PTPRG: variants seen among roughly 807,000 people sequenced by gnomAD.
PTPRG encodes protein tyrosine phosphatase receptor type G.
PTPRG carries 102 observed loss-of-function variants against 165.3 expected under a neutral mutation model. The ratio of observed to expected loss-of-function variants is 0.62; its 90% CI spans 0.53 to 0.73. PTPRG has a LOEUF of 0.73. Among genes scored for constraint, PTPRG ranks in the 30% least tolerant of loss-of-function variants. The pLI is 0.00. For missense variants in PTPRG, 1,866 were observed against 1,861.4 expected, an observed-to-expected ratio of 1.00 and a Z score of -0.05; for synonymous variants, 675 against 669.5, an observed-to-expected ratio of 1.01 and a Z score of -0.13.
chr3:62,133,512 T>G (rs181338188), intron 6 of PTPRG, among the ~76,000 whole-genome samples: 1 of 152,210 alleles, frequency 6.6e-6, no homozygotes, highest in Non-Finnish European at 1.5e-5. Context: ...AACAAACATC[T>G]TCCCCCTCTC....
chr3:61,663,152 G>A (rs534931138), intron 1 of PTPRG, among the ~76,000 whole-genome samples: 1 of 151,852 alleles, frequency 6.6e-6, no homozygotes, highest in Non-Finnish European at 1.5e-5. Context: ...CTCATAACCC[G>A]GTCTCAAAAT....
At chr3:61,713,989 G>C (rs962149342) in intron 1 of PTPRG, among the ~76,000 whole-genome samples, 14 of 152,192 alleles carry the variant, frequency 9.2e-5, no homozygotes, top group African/African-American at 2.9e-4. Context: ...TTACATATCT[G>C]TGCAAAGTGA....
chr3:62,118,036 T>C (rs1230147472), intron 5 of PTPRG, among the ~76,000 whole-genome samples: 1 of 152,182 alleles, frequency 6.6e-6, no homozygotes, highest in Non-Finnish European at 1.5e-5. Context: ...GATTATCTCA[T>C]TGGTCTCTCC....
chr3:61,830,975 A>T (rs1249775033), intron 2 of PTPRG, among the ~76,000 whole-genome samples: 10 of 152,138 alleles, frequency 6.6e-5, no homozygotes, highest in Admixed American at 6.5e-4. Context: ...CTTTTTTCAA[A>T]GACCTAATGA....
chr3:61,998,731 A>G (rs954635212), intron 3 of PTPRG, among the ~76,000 whole-genome samples: 1 of 152,212 alleles, frequency 6.6e-6, no homozygotes, highest in Non-Finnish European at 1.5e-5. Flanking sequence ...AGCTTCTTCT[A>G]CTGTCTCCAT....
chr3:62,076,012 G>T (rs75880644), intron 4 of PTPRG, among the ~76,000 whole-genome samples: 4 of 152,054 alleles, frequency 2.6e-5, no homozygotes, highest in African/African-American at 9.7e-5. Context: ...GCAGTGGTTC[G>T]TGCATGTAAT....
chr3:61,988,925 C>G (rs1005824379), intron 2 of PTPRG, among the ~76,000 whole-genome samples: 1 of 152,120 alleles, frequency 6.6e-6, no homozygotes, highest in Admixed American at 6.5e-5. Flanking sequence ...GTTGTGCTTT[C>G]TTCATTTATT....
intron 2 of PTPRG, among the ~76,000 whole-genome samples, chr3:61,853,518 A>G (rs2037023397): frequency 6.6e-6 from 1 of 152,190 alleles, no homozygotes; most frequent in South Asian, 2.1e-4. Context: ...CACTTAGGAA[A>G]TGGATCCTCC....
Position 62,294,564 on chromosome 3 carries a change from C to G in PTPRG, c.*1257C>G, listed in dbSNP as rs1237321944. The G allele has an allele frequency of 6.6e-6, 1 of 151,550 alleles. No homozygotes were observed. Among genetic ancestry groups the G allele is most frequent in the Admixed American group, 6.6e-5 (1 of 15,208 alleles). The allele number at this position is 151,550 out of a possible 1,614,324, so 9.4% of individuals were successfully genotyped here. ...AACAGATACACATTAGTAAAAGATA[C>G]CAATAATCATTAGAGCTCAAGGAAG... On this transcript the variant is annotated 3_prime_UTR_variant, in exon 30 of 30. Coordinates refer to ENST00000474889, the MANE Select transcript of PTPRG (RefSeq NM_002841.4).
intron 8 of PTPRG, among the ~76,000 whole-genome samples, chr3:62,170,287 TTC>T (rs1235154573): frequency 6.6e-6 from 1 of 152,104 alleles, no homozygotes; most frequent in Non-Finnish European, 1.5e-5. Flanking sequence ...CTAGAAAGCT[TTC>T]TCCCAAGAGA....
intron 1 of PTPRG, among the ~76,000 whole-genome samples, chr3:61,718,037 G>A (rs1417328672): frequency 1.3e-5 from 2 of 150,888 alleles, no homozygotes; most frequent in Non-Finnish European, 3.0e-5. Flanking sequence ...AAAATTAGCC[G>A]GGCATGGTGG....
chr3:62,083,289 C>T lies in PTPRG; in HGVS notation c.615+5031C>T, dbSNP rs114896479. ...TTTTTTTCTTCCTTTTTGTGGAGAA[C>T]GGGGTCTCACTATGTTGCTCAGGCA... On this transcript the variant is annotated intron_variant, in intron 5 of 29. Coordinates refer to ENST00000474889, the MANE Select transcript of PTPRG (RefSeq NM_002841.4). Among the ~76,000 whole-genome samples the T allele has an allele frequency of 7.2e-3, 1,072 of 148,874 alleles. 8 individuals are homozygous for T. The highest frequency in any genetic ancestry group is 0.012 in the Non-Finnish European group (832 of 67,714).
chr3:61,566,696 G>T (rs560801703), intron 1 of PTPRG, among the ~76,000 whole-genome samples: 6 of 152,256 alleles, frequency 3.9e-5, no homozygotes, highest in Non-Finnish European at 1.5e-5. Context: ...TTGTGGAGAC[G>T]GAGTGCCGCC....
At chr3:61,848,704 A>G (rs1387244729) in intron 2 of PTPRG, among the ~76,000 whole-genome samples, 2 of 152,200 alleles carry the variant, frequency 1.3e-5, no homozygotes, top group African/African-American at 4.8e-5. Context: ...TCAGTATACT[A>G]TATCTTGAGT....
At chr3:61,613,499 C>T (rs561991717) in intron 1 of PTPRG, among the ~76,000 whole-genome samples, 1 of 152,238 alleles carries the variant, frequency 6.6e-6, no homozygotes, top group African/African-American at 2.4e-5. Context: ...TGTGTTGAGT[C>T]AAATGAACAT....
At chr3:62,035,495 G>T (rs1335490697) in intron 4 of PTPRG, among the ~76,000 whole-genome samples, 1 of 152,150 alleles carries the variant, frequency 6.6e-6, no homozygotes, top group African/African-American at 2.4e-5. Flanking sequence ...TCATTTATTT[G>T]CTTTTGGTCC....
At chr3:61,841,209 T>A (rs968409120) in intron 2 of PTPRG, among the ~76,000 whole-genome samples, 4 of 152,208 alleles carry the variant, frequency 2.6e-5, no homozygotes, top group African/African-American at 9.6e-5. Flanking sequence ...GTTAAAGAGA[T>A]GTTTTATATA....
chr3:61,967,115 A>G (rs1332255820), intron 2 of PTPRG, among the ~76,000 whole-genome samples: 6 of 152,228 alleles, frequency 3.9e-5, no homozygotes, highest in Admixed American at 3.9e-4. Flanking sequence ...AACTTCTTGA[A>G]TAAGTGACAC....
At chr3:61,816,973 C>CTTATATATATA (rs965089063) in intron 2 of PTPRG, among the ~76,000 whole-genome samples, 1 of 132,148 alleles carries the variant, frequency 7.6e-6, no homozygotes, top group Non-Finnish European at 1.5e-5. Context: ...TCAGTAATCA[C>CTTATATATATA]TTATATATAT....
Sources: gnomAD v4.1 joint callset for allele counts (sites outside exome capture counted in the v4.1 genomes callset) on GRCh38, gnomAD v4.1.1 for gene constraint, MANE v1.5 for transcripts, NCBI Gene and HGNC (gene_info 2026-07-23, HGNC 2026-07-21) for gene names.